Variants in TEX15 observed in about 807,000 individuals in gnomAD.
The protein encoded by TEX15 is testis-expressed protein 15.
In TEX15, 171 loss-of-function variants were observed where a neutral mutation model predicts 237.3. The observed-to-expected ratio is 0.72, with a 90% CI of 0.64 to 0.82. The LOEUF (loss-of-function observed/expected upper bound fraction) is 0.82. Among genes scored for constraint, TEX15 ranks in the 40% least tolerant of loss-of-function variants. The probability of loss-of-function intolerance (pLI) is 0.00; values close to 1 mark genes in which losing one functional copy is unlikely to be tolerated. For synonymous variants in TEX15, 1,338 were observed against 1,269.8 expected (o/e 1.05, Z -1.14); for missense variants, 3,750 against 3,646.5 (o/e 1.03, Z -0.73).
intron 7 of TEX15, among the ~76,000 whole-genome samples, chr8:30,850,770 C>T (rs1050578255): frequency 1.3e-5 from 2 of 151,948 alleles, no homozygotes; most frequent in Admixed American, 1.3e-4. Flanking sequence ...ACTTTTAAAG[C>T]ATGACTGAAA....
chr8:30,888,369 A>G (rs1218505586), intron 2 of TEX15, among the ~76,000 whole-genome samples: 1 of 152,222 alleles, frequency 6.6e-6, no homozygotes, highest in East Asian at 1.9e-4. Context: ...GGCCAACAAC[A>G]GCCAATCGCT....
In TEX15 at chr8:30,847,149, C is replaced by T; in HGVS notation, c.3018G>A (p.Gln1006=). ...SLNNDDHQIY[Q]FKETCSSESP... is the part of the protein sequence containing the mutation. ...TTTCAGAAGAACAAGTTTCTTTAAA[C>T]TGGTATATCTGGTGATCGTCATTAT... Residue 1006 remains glutamine, a synonymous_variant, in exon 8 of 11, where the codon CAG becomes CAA. Coordinates refer to ENST00000643185, the MANE Select transcript of TEX15 (RefSeq NM_001350162.2). The T allele has an allele frequency of 6.2e-7, 1 of 1,613,834 alleles. No individual in the cohort carries two copies. The highest frequency in any genetic ancestry group is 8.5e-7 in the Non-Finnish European group (1 of 1,179,846).
rs370949033 is a variant in TEX15 at position 30,831,801 on chromosome 8, G to A, written c.*1485C>T. 3.9e-5 allele frequency: 6 copies of A among 152,298 alleles called. No individual in the cohort carries two copies. Among genetic ancestry groups the A allele is most frequent in the African/African-American group, 1.4e-4 (6 of 41,564 alleles). The allele number at this position is 152,298 out of a possible 1,614,324, so 9.4% of individuals were successfully genotyped here. A position where few individuals can be genotyped will look rare whatever the true frequency, so the allele number is the denominator to read the frequency against. On this transcript the variant is annotated 3_prime_UTR_variant, in exon 11 of 11. Transcript: ENST00000643185. ...TGCCATAACCAAACATAAACCAAAT[G>A]ACTGAGGGAAACATAAATCAAATGG...
Position 30,846,649 on chromosome 8 carries a change from T to C in TEX15, c.3518A>G (p.Asp1173Gly). ...IFRPGFSPTA[D>G]SLALKDSFCT... The stretch of plus-strand genomic sequence containing the variant: ...AAAACTATCTTTCAATGCAAGGGAG[T>C]CAGCTGTCGGGCTGAATCCTGGCCT... The change falls in exon 8 of 11, where the codon GAC (aspartate) becomes GGC (glycine). Residue 1173 changes from aspartate to glycine, a missense_variant. Transcript: ENST00000643185. 1 of 1,613,756 alleles carries C rather than the reference T, an allele frequency of 6.2e-7. No individual in the cohort carries two copies. The highest frequency in any genetic ancestry group is 8.5e-7 in the Non-Finnish European group (1 of 1,179,810).
In TEX15 at chr8:30,847,185, T is replaced by C. The variant is rs1433290426; in HGVS notation, c.2982A>G (p.Ala994=). ...AIQIASATMP[A]LSLNNDDHQI... is the part of the protein sequence containing the mutation. ...GGTGATCGTCATTATTTAGGCTTAATGCAGGCATAGTAGCACTAGCTATCT... is the reference window on the plus strand; with the variant it reads ...GGTGATCGTCATTATTTAGGCTTAACGCAGGCATAGTAGCACTAGCTATCT... Residue 994 remains alanine (A), a synonymous_variant, in exon 8 of 11, where the codon GCA becomes GCG. Coordinates refer to ENST00000643185, the MANE Select transcript of TEX15 (RefSeq NM_001350162.2). The C allele has an allele frequency of 1.9e-6, 3 of 1,614,028 alleles. No homozygotes were observed. Among genetic ancestry groups the C allele is most frequent in the Non-Finnish European group, 2.5e-6 (3 of 1,179,872 alleles).
At chr8:30,900,713 C>T (rs1808990247) in intron 1 of TEX15, among the ~76,000 whole-genome samples, 2 of 152,108 alleles carry the variant, frequency 1.3e-5, no homozygotes, top group South Asian at 4.1e-4. Flanking sequence ...TCTGGAATGG[C>T]AAAAGAGTGG....
chr8:30,890,421 A>G (rs563663211), intron 2 of TEX15: 2 of 152,380 alleles, frequency 1.3e-5, no homozygotes, highest in African/African-American at 4.8e-5. Context: ...ATAATACATC[A>G]TAAATCAGCT....
chr8:30,838,184 T>C, intron 9 of TEX15, 123 bp from the exon 10 acceptor site: 2 of 866,164 alleles, frequency 2.3e-6, no homozygotes. Flanking sequence ...GTTTTCCCAT[T>C]CTATTGGCAC....
At position 30,887,263 on chromosome 8, in the gene TEX15, G is replaced by C; in HGVS notation, c.40C>G (p.Gln14Glu). 1 of 1,535,912 alleles carries C rather than the reference G, an allele frequency of 6.5e-7. No individual in the cohort carries two copies. The highest frequency in any genetic ancestry group is 8.7e-7 in the Non-Finnish European group (1 of 1,146,842). The change falls in exon 3 of 11, where the codon CAA becomes GAA. Residue 14 changes from glutamine to glutamate, a missense_variant. Gln to Glu is a conservative substitution (Grantham distance 29). Coordinates refer to ENST00000643185, the MANE Select transcript of TEX15 (RefSeq NM_001350162.2). The part of the protein sequence containing the change: ...KETAKQDTLW[Q>E]MSSTSKPVLN... ...ACGGGTTTGCTAGTTGAGCTCATTT[G>C]CCACAGTGTATCCTGTTTAGCAGTT...
chr8:30,907,735 A>G (rs2128780259), intron 1 of TEX15, among the ~76,000 whole-genome samples: 1 of 143,754 alleles, frequency 7.0e-6, no homozygotes. Context: ...TATATAAATT[A>G]GATATAAAAT....
In TEX15 at chr8:30,858,780, C is replaced by A. The variant is rs1807971266; in HGVS notation, c.738G>T (p.Arg246Ser). 6.5e-7 allele frequency: 1 copy of A among 1,535,494 alleles called. No individual in the cohort carries two copies. The highest frequency in any genetic ancestry group is 8.7e-7 in the Non-Finnish European group (1 of 1,146,610). The part of the protein sequence containing the change: ...SVLSKPVDKP[R>S]QCLPYAVVTV... Reference sequence around the variant, plus strand: ...TTACTACAGCATATGGAAGACATTGCCTAGGTTTATCTACAGGCTTTGAAA... The same window carrying A: ...TTACTACAGCATATGGAAGACATTGACTAGGTTTATCTACAGGCTTTGAAA... Residue 246 changes from arginine (R) to serine (S), a missense_variant, in exon 7 of 11, where the codon AGG becomes AGT. By Grantham distance (110) the Arg-to-Ser change is moderately radical (BLOSUM62 -1). Transcript: ENST00000643185.
At position 30,888,670 on chromosome 8, in the gene TEX15, C is replaced by T. The variant is rs769997594; in HGVS notation, c.-9-1359G>A. The T allele has an allele frequency of 1.6e-5, 21 of 1,288,104 alleles. No individual in the cohort carries two copies. In the East Asian group the frequency reaches 1.0e-3, roughly 61 times the overall value. 79.8% of individuals were successfully genotyped at this position (1,288,104 alleles called of 1,614,324 possible). ...ACATGGTTGATGGCCCTCCTGACAC[C>T]TATCAACTGCTTAGTTCCAACATTA... is the stretch of plus-strand genomic sequence containing the variant. On this transcript the variant is annotated intron_variant, in intron 2 of 10. Coordinates refer to ENST00000643185, the MANE Select transcript of TEX15 (RefSeq NM_001350162.2).
At chr8:30,858,981 G>A (rs769568259) in intron 6 of TEX15, among the ~76,000 whole-genome samples, 151 bp from the exon 7 acceptor site, 3 of 152,158 alleles carry the variant, frequency 2.0e-5, no homozygotes, top group Non-Finnish European at 4.4e-5. Context: ...TGTTTTTGAA[G>A]ATGTACAGAA....
rs760122658 is a variant in TEX15, at chr8:30,843,656, G to A, written c.6511C>T (p.Arg2171Ter). The A allele has an allele frequency of 1.9e-5, 31 of 1,612,094 alleles. No individual in the cohort carries two copies. The highest frequency in any genetic ancestry group is 2.2e-5 in the East Asian group (1 of 44,862). The change falls in exon 8 of 11, where the codon CGA becomes TGA. Residue 2171 changes from arginine (R) to a stop codon, truncating the protein, a stop_gained. Transcript: ENST00000643185. LOFTEE classifies it high-confidence loss of function. ...ATGGCTTCACATTCATTAACCTGTC[G>A]TTTGTACTTTAAGAATACATAGTAT... ...NSYYVFLKYK[R>*]QVNECEAIME... is the part of the protein sequence containing the mutation.
chr8:30,902,822 G>C (rs1029811187), intron 1 of TEX15, among the ~76,000 whole-genome samples: 3 of 152,176 alleles, frequency 2.0e-5, no homozygotes, highest in African/African-American at 7.2e-5. Context: ...ATAGTGAAGA[G>C]AAACGACAGT....
At chr8:30,912,334 T>C (rs796750883) in intron 1 of TEX15, among the ~76,000 whole-genome samples, 1 of 150,844 alleles carries the variant, frequency 6.6e-6, no homozygotes, top group African/African-American at 2.4e-5. Flanking sequence ...GCGGCGGGGC[T>C]CCCGCCCCCT....
intron 2 of TEX15, among the ~76,000 whole-genome samples, chr8:30,889,934 CATATATATATATATATATACAT>C (rs1030241135): frequency 1.6e-5 from 2 of 123,326 alleles, no homozygotes; most frequent in East Asian, 2.1e-4. Context: ...TAGTTATATA[CATATATATATATATATATACAT>C]ATATATATAT....
chr8:30,836,018 T>A (rs1387085457), intron 10 of TEX15, among the ~76,000 whole-genome samples: 1 of 152,068 alleles, frequency 6.6e-6, no homozygotes. Context: ...ATCTAGAAAA[T>A]GCAAGAAAAA....
At chr8:30,841,057 A>G (rs1807441815) in intron 8 of TEX15, among the ~76,000 whole-genome samples, 1 of 152,114 alleles carries the variant, frequency 6.6e-6, no homozygotes, top group South Asian at 2.1e-4. Flanking sequence ...AGTTGGAACT[A>G]CAAGTGTATG....
Sources: allele counts gnomAD v4.1 joint callset (sites outside exome capture counted in the v4.1 genomes callset), GRCh38; gene constraint gnomAD v4.1.1; transcripts MANE v1.5; gene names NCBI Gene and HGNC (gene_info 2026-07-23, HGNC 2026-07-21).